Variants in DLG2 observed in about 807,000 individuals in gnomAD.
DLG2 encodes discs large MAGUK scaffold protein 2, also known as disks large homolog 2.
Under a neutral mutation model 132.5 loss-of-function variants are expected in DLG2, and 45 were observed. That is an observed-to-expected ratio of 0.34 (90% CI 0.27 to 0.44). The LOEUF is 0.44. DLG2 is among the 20% of genes least tolerant of loss of function. The probability of loss-of-function intolerance (pLI) is 1.00; values close to 1 mark genes in which losing one functional copy is unlikely to be tolerated. For missense variants in DLG2, 1,045 were observed against 1,196.9 expected (o/e 0.87, Z 1.87); for synonymous variants, 424 against 419.6 (o/e 1.01, Z -0.13).
chr11:85,304,945 G>C (rs1044901318), intron 3 of DLG2, among the ~76,000 whole-genome samples: 3 of 151,992 alleles, frequency 2.0e-5, no homozygotes, highest in Non-Finnish European at 4.4e-5. Flanking sequence ...TAGAACATAC[G>C]CTCCATGAGG....
At chr11:83,564,406 A>T (rs2096666632) in intron 19 of DLG2, among the ~76,000 whole-genome samples, 1 of 152,148 alleles carries the variant, frequency 6.6e-6, no homozygotes, top group Admixed American at 6.5e-5. Context: ...GGCCTTGCTT[A>T]AGACACTCAT....
intron 17 of DLG2, among the ~76,000 whole-genome samples, chr11:83,788,616 G>T (rs2040658931): frequency 6.6e-6 from 1 of 152,240 alleles, no homozygotes; most frequent in African/African-American, 2.4e-5. Flanking sequence ...CTGCTGGCCA[G>T]AAGAGACAGG....
chr11:83,892,021 T>C (rs1163386746), intron 15 of DLG2, among the ~76,000 whole-genome samples: 1 of 152,174 alleles, frequency 6.6e-6, no homozygotes, highest in Non-Finnish European at 1.5e-5. Flanking sequence ...ACCCTCATTG[T>C]ACCAATAGGT....
In DLG2 at chr11:84,322,810, G is replaced by A. The variant is rs1036584562; in HGVS notation, c.520-71519C>T. ...TCACCATGTTGGCCAGGCTGGTCTCGAACTCCTGATCTCAAGTGATCTACC... is the reference window on the plus strand; with the variant it reads ...TCACCATGTTGGCCAGGCTGGTCTCAAACTCCTGATCTCAAGTGATCTACC... On this transcript the variant is annotated intron_variant, in intron 7 of 27. Transcript: ENST00000376104. Among the ~76,000 whole-genome samples the A allele has an allele frequency of 2.0e-5, 3 of 151,946 alleles. No homozygotes were observed. In the South Asian group the frequency reaches 6.2e-4, roughly 32 times the overall value.
intron 7 of DLG2, among the ~76,000 whole-genome samples, chr11:84,453,404 T>C (rs916275348): frequency 6.6e-6 from 1 of 151,592 alleles, no homozygotes; most frequent in Non-Finnish European, 1.5e-5. Context: ...TATAAAGAAT[T>C]TTCCTAGAGT....
chr11:83,648,606 G>C (rs1444854958), intron 18 of DLG2, among the ~76,000 whole-genome samples: 1 of 152,116 alleles, frequency 6.6e-6, no homozygotes, highest in African/African-American at 2.4e-5. Context: ...CTTGCTAATA[G>C]AACCCCTACA....
intron 19 of DLG2, among the ~76,000 whole-genome samples, chr11:83,556,170 T>C (rs1373429528): frequency 6.6e-6 from 1 of 152,116 alleles, no homozygotes. Context: ...GGTGGTTCCT[T>C]GGAAGAAGAG....
At chr11:83,642,093 T>C (rs1694886256) in intron 18 of DLG2, among the ~76,000 whole-genome samples, 1 of 152,200 alleles carries the variant, frequency 6.6e-6, no homozygotes, top group Non-Finnish European at 1.5e-5. Flanking sequence ...TGTACTTCTT[T>C]GCTACTGACC....
At chr11:85,288,943 T>C (rs553927603) in intron 3 of DLG2, among the ~76,000 whole-genome samples, 144 of 152,260 alleles carry the variant, frequency 9.5e-4, no homozygotes, top group Middle Eastern at 3.4e-3. Flanking sequence ...CAATAAGCTG[T>C]ACTTCGAAAC....
chr11:83,551,330 A>G (rs1019222604), intron 19 of DLG2, among the ~76,000 whole-genome samples: 26 of 152,270 alleles, frequency 1.7e-4, no homozygotes, highest in African/African-American at 5.8e-4. Context: ...TCTGCTATCC[A>G]GTAGCACTCT....
chr11:84,592,011 G>A (rs1253542850), intron 6 of DLG2, among the ~76,000 whole-genome samples: 4 of 152,032 alleles, frequency 2.6e-5, no homozygotes, highest in South Asian at 2.1e-4. Flanking sequence ...GAGCCATCAC[G>A]CCAGGCTGAT....
chr11:85,598,232 G>A, intron 3 of DLG2, among the ~76,000 whole-genome samples: 1 of 152,006 alleles, frequency 6.6e-6, no homozygotes, highest in Non-Finnish European at 1.5e-5. Context: ...GTTTTAAGAA[G>A]AGAGTAAAAG....
intron 6 of DLG2, among the ~76,000 whole-genome samples, chr11:84,674,353 CATT>C (rs1251114094): frequency 1.3e-5 from 2 of 152,040 alleles, no homozygotes; most frequent in Non-Finnish European, 2.9e-5. Context: ...TAGTCATCAT[CATT>C]GTGATACTAC....
intron 6 of DLG2, among the ~76,000 whole-genome samples, chr11:84,771,729 C>CACATGGAA (rs1358965434): frequency 1.3e-5 from 2 of 152,094 alleles, no homozygotes; most frequent in African/African-American, 4.8e-5. Flanking sequence ...ACAACAACCA[C>CACATGGAA]ACATGGAAAC....
chr11:84,088,505 G>A (rs12294444), intron 10 of DLG2, among the ~76,000 whole-genome samples: 4,362 of 152,254 alleles, frequency 0.029, 90 homozygotes, highest in Non-Finnish European at 0.043. Context: ...CTCCAGCTGC[G>A]AAAGACTACT....
chr11:83,717,331 G>T (rs1171550121), intron 18 of DLG2, among the ~76,000 whole-genome samples: 3 of 151,976 alleles, frequency 2.0e-5, no homozygotes, highest in African/African-American at 7.3e-5. Context: ...TTTAACAGCA[G>T]GGAACCCATT....
At chr11:85,296,929 TA>T (rs1379392795) in intron 3 of DLG2, among the ~76,000 whole-genome samples, 2 of 150,160 alleles carry the variant, frequency 1.3e-5, no homozygotes, top group Non-Finnish European at 3.0e-5. Flanking sequence ...AATCATATTA[TA>T]ATTTATTGTA....
intron 8 of DLG2, among the ~76,000 whole-genome samples, chr11:84,209,106 T>C (rs2096716975): frequency 6.6e-6 from 1 of 152,222 alleles, no homozygotes. Flanking sequence ...AACCACGTGA[T>C]AAAGGTTAAC....
chr11:84,270,511 C>G (rs1409103839), intron 7 of DLG2, among the ~76,000 whole-genome samples: 1 of 152,146 alleles, frequency 6.6e-6, no homozygotes, highest in East Asian at 1.9e-4. Flanking sequence ...GTTCCTTTCA[C>G]CAATATGAAT....
Sources: allele counts gnomAD v4.1 joint callset (sites outside exome capture counted in the v4.1 genomes callset), GRCh38; gene constraint gnomAD v4.1.1; transcripts MANE v1.5; gene names NCBI Gene and HGNC (gene_info 2026-07-23, HGNC 2026-07-21).